Variants in AR observed in about 807,000 individuals in gnomAD.
AR encodes the protein dihydrotestosterone receptor.
A neutral mutation model predicts 53.9 loss-of-function variants in AR; 8 were observed. The observed-to-expected ratio is 0.15, with a 90% confidence interval of 0.09 to 0.27. The LOEUF (loss-of-function observed/expected upper bound fraction) is 0.27, where lower values mean the gene tolerates loss of function less well. AR is among the 10% of genes least tolerant of loss of function. The pLI is 1.00. For missense variants in AR, 639 were observed against 742.5 expected (o/e 0.86, Z 1.62); for synonymous variants, 359 against 316.4 (o/e 1.13, Z -1.43).
At chrX:67,650,920 C>A (rs773605313) in intron 2 of AR, among the ~76,000 whole-genome samples, 1 of 112,076 alleles carries the variant, frequency 8.9e-6, no homozygotes, top group African/African-American at 3.2e-5. Flanking sequence ...GTAGTAATAT[C>A]CTCATGCATT....
chrX:67,630,818 C>G (rs1925049603), intron 1 of AR, among the ~76,000 whole-genome samples: 1 of 110,484 alleles, frequency 9.1e-6, no homozygotes, highest in Admixed American at 9.7e-5. Flanking sequence ...TTCAGGACCT[C>G]TTTTAGGGCA....
intron 6 of AR, among the ~76,000 whole-genome samples, chrX:67,722,530 G>A (rs1466233569): frequency 8.9e-6 from 1 of 112,142 alleles, no homozygotes; most frequent in Non-Finnish European, 1.9e-5. Context: ...GTTTTACTGT[G>A]AATGACATAA....
At chrX:67,719,801 G>A (rs1001306573) in intron 5 of AR, among the ~76,000 whole-genome samples, 1 of 112,213 alleles carries the variant, frequency 8.9e-6, no homozygotes, top group Non-Finnish European at 1.9e-5. Flanking sequence ...GTACTCTCCA[G>A]TTGAGTGCAA....
chrX:67,715,250 C>A (rs1030897607), intron 4 of AR, among the ~76,000 whole-genome samples: 1 of 110,513 alleles, frequency 9.0e-6, no homozygotes, highest in Non-Finnish European at 1.9e-5. Flanking sequence ...TTAGACCCTG[C>A]TTCTTATTTC....
intron 1 of AR, among the ~76,000 whole-genome samples, chrX:67,573,581 A>G (rs1433404716): frequency 9.0e-6 from 1 of 111,452 alleles, no homozygotes; most frequent in Non-Finnish European, 1.9e-5. Flanking sequence ...TTCAATTATG[A>G]ATACATTTCT....
intron 1 of AR, among the ~76,000 whole-genome samples, chrX:67,621,242 A>T (rs1924359864): frequency 9.0e-6 from 1 of 111,315 alleles, no homozygotes. Flanking sequence ...CCCCCAAATG[A>T]TGAAGGAGTT....
At chrX:67,632,922 C>T (rs1171842044) in intron 1 of AR, among the ~76,000 whole-genome samples, 2 of 111,592 alleles carry the variant, frequency 1.8e-5, no homozygotes, top group Admixed American at 9.5e-5. Context: ...TGCTCAACAT[C>T]ATTAGTCATT....
chrX:67,666,695 T>A (rs1419947189), intron 2 of AR, among the ~76,000 whole-genome samples: 2 of 111,767 alleles, frequency 1.8e-5, no homozygotes, highest in Non-Finnish European at 3.8e-5. Flanking sequence ...GAGGATACTC[T>A]TTTCTCCACA....
At chrX:67,640,008 A>G (rs1279445819) in intron 1 of AR, among the ~76,000 whole-genome samples, 2 of 111,446 alleles carry the variant, frequency 1.8e-5, no homozygotes, top group Non-Finnish European at 3.8e-5. Flanking sequence ...TACCTAGTTT[A>G]TTGAGAGTTT....
intron 7 of AR, among the ~76,000 whole-genome samples, chrX:67,723,312 C>CTGTGTGTGTGTGTG (rs796606484): frequency 3.8e-5 from 3 of 78,012 alleles, no homozygotes; most frequent in African/African-American, 1.6e-4. Flanking sequence ...GTTTGTCTGT[C>CTGTGTGTGTGTGTG]TGTGTGTGTG....
chrX:67,612,790 G>A (rs1439863635), intron 1 of AR, among the ~76,000 whole-genome samples: 1 of 112,237 alleles, frequency 8.9e-6, no homozygotes, highest in Non-Finnish European at 1.9e-5. Context: ...AGTAAAAACA[G>A]CAAGAGTCTA....
At position 67,724,088 on chromosome X, in the gene AR, G is replaced by A; in HGVS notation, c.*247G>A. 1 of 404,457 alleles carries A rather than the reference G, an allele frequency of 2.5e-6. No individual in the cohort carries two copies. The highest frequency in any genetic ancestry group is 4.3e-6 in the Non-Finnish European group (1 of 232,938). The allele number at this position is 404,457 out of a possible 1,213,427, so 33.3% of individuals were successfully genotyped here. ...CCTTCAGACTTTGCTTCCCATTGTG[G>A]CTCCTATCTGTGTTTTGAATGGTGT... On this transcript the variant is annotated 3_prime_UTR_variant, in exon 8 of 8. Coordinates refer to ENST00000374690, the MANE Select transcript of AR (RefSeq NM_000044.6).
chrX:67,673,471 AT>A (rs34317430), intron 2 of AR, among the ~76,000 whole-genome samples: 9,236 of 68,203 alleles, frequency 0.14, 390 homozygotes, highest in Middle Eastern at 0.2. Context: ...ATTGTTTGCT[AT>A]TTTTTTTTTT....
At chrX:67,556,073 G>A (rs1429377918) in intron 1 of AR, among the ~76,000 whole-genome samples, 1 of 112,397 alleles carries the variant, frequency 8.9e-6, no homozygotes, top group Non-Finnish European at 1.9e-5. Context: ...AGTTTATAGA[G>A]AAGTTTCATA....
intron 1 of AR, among the ~76,000 whole-genome samples, chrX:67,599,193 C>A (rs1289437291): frequency 8.9e-6 from 1 of 111,951 alleles, no homozygotes; most frequent in African/African-American, 3.2e-5. Flanking sequence ...AGTCTCAAAT[C>A]TAAGTTACGT....
chrX:67,720,786 T>C (rs1796635209), intron 5 of AR, among the ~76,000 whole-genome samples: 1 of 109,173 alleles, frequency 9.2e-6, no homozygotes, highest in Non-Finnish European at 1.9e-5. Flanking sequence ...CCATAGCCTT[T>C]AGGCTCCATC....
In AR at chrX:67,727,881, T is replaced by G. The variant is rs961138989; in HGVS notation, c.*4040T>G. On this transcript the variant is annotated 3_prime_UTR_variant, in exon 8 of 8. Coordinates refer to ENST00000374690, the MANE Select transcript of AR (RefSeq NM_000044.6). ...CAAAGCACCAGATCAAATCCAAAACTTAAAGTCAAAATAAGCCATTCAGCA... is the reference window on the plus strand; with the variant it reads ...CAAAGCACCAGATCAAATCCAAAACGTAAAGTCAAAATAAGCCATTCAGCA... 2 of 174,457 alleles carry G rather than the reference T, an allele frequency of 1.1e-5. No individual in the cohort carries two copies. Among genetic ancestry groups the G allele is most frequent in the Non-Finnish European group, 2.2e-5 (2 of 90,870 alleles). The allele number at this position is 174,457 out of a possible 1,213,427, so 14.4% of individuals were successfully genotyped here.
intron 1 of AR, among the ~76,000 whole-genome samples, chrX:67,599,811 A>G (rs1230922554): frequency 8.9e-6 from 1 of 112,513 alleles, no homozygotes; most frequent in African/African-American, 3.2e-5. Flanking sequence ...ATTTATTTTT[A>G]AATCCAAACT....
chrX:67,611,378 T>A (rs1311668781), intron 1 of AR, among the ~76,000 whole-genome samples: 1 of 111,731 alleles, frequency 9.0e-6, no homozygotes, highest in African/African-American at 3.2e-5. Flanking sequence ...GAACTAACTG[T>A]TCCTGGCCAT....
Sources: allele counts gnomAD v4.1 joint callset (sites outside exome capture counted in the v4.1 genomes callset), GRCh38; gene constraint gnomAD v4.1.1; transcripts MANE v1.5; gene names NCBI Gene and HGNC (gene_info 2026-07-23, HGNC 2026-07-21).